The following PEX5L variants were observed in gnomAD, a reference collection of about 807,000 sequenced individuals.
The protein encoded by PEX5L is peroxisomal biogenesis factor 5 like.
PEX5L carries 30 observed loss-of-function variants against 84.0 expected under a neutral mutation model. The observed-to-expected ratio is 0.36, with a 90% CI of 0.27 to 0.48. The LOEUF (loss-of-function observed/expected upper bound fraction) is 0.48. PEX5L is among the 20% of genes least tolerant of loss of function. PEX5L has a pLI of 0.99. For missense variants in PEX5L, 533 were observed against 754.6 expected, an observed-to-expected ratio of 0.71 and a Z score of 3.44; for synonymous variants, 270 against 283.1, an observed-to-expected ratio of 0.95 and a Z score of 0.46.
At chr3:179,990,529 G>A (rs1297955072) in intron 1 of PEX5L, among the ~76,000 whole-genome samples, 2 of 152,054 alleles carry the variant, frequency 1.3e-5, no homozygotes, top group Admixed American at 6.6e-5. Flanking sequence ...CTCCCAACTA[G>A]CTGAGACTAC....
At chr3:179,817,521 A>G (rs1726623967) in intron 9 of PEX5L, among the ~76,000 whole-genome samples, 1 of 152,194 alleles carries the variant, frequency 6.6e-6, no homozygotes, top group Admixed American at 6.5e-5. Context: ...AGACTCCCAG[A>G]GGGATTTATT....
At chr3:179,838,868 T>A (rs532558791) in intron 8 of PEX5L, among the ~76,000 whole-genome samples, 1 of 152,292 alleles carries the variant, frequency 6.6e-6, no homozygotes, top group Middle Eastern at 3.4e-3. Context: ...TAAAATGTTA[T>A]CTTTTATCCT....
At chr3:180,034,707 G>A (rs1791747458) in intron 1 of PEX5L, among the ~76,000 whole-genome samples, 1 of 152,044 alleles carries the variant, frequency 6.6e-6, no homozygotes, top group Non-Finnish European at 1.5e-5. Flanking sequence ...CTGAAATTTT[G>A]GTGGATGTAT....
intron 3 of PEX5L, chr3:179,896,105 A>T (rs758808503): frequency 1.3e-5 from 2 of 152,120 alleles, no homozygotes; most frequent in African/African-American, 2.4e-5. Flanking sequence ...ACTTTTTCAG[A>T]TCATTCTGCT....
At chr3:180,024,071 TCCAC>T (rs1227509229) in intron 1 of PEX5L, among the ~76,000 whole-genome samples, 5 of 152,092 alleles carry the variant, frequency 3.3e-5, no homozygotes, top group Non-Finnish European at 7.4e-5. Flanking sequence ...GTATATTTGG[TCCAC>T]CCAGAAAGGG....
At chr3:179,863,653 A>T (rs1747045427) in intron 7 of PEX5L, among the ~76,000 whole-genome samples, 1 of 152,160 alleles carries the variant, frequency 6.6e-6, no homozygotes, top group Non-Finnish European at 1.5e-5. Context: ...ACCTATTAGG[A>T]TGTCTGTTAT....
chr3:179,932,314 A>T (rs1773336098), intron 2 of PEX5L, among the ~76,000 whole-genome samples: 1 of 152,132 alleles, frequency 6.6e-6, no homozygotes, highest in African/African-American at 2.4e-5. Context: ...AATACCTTTT[A>T]AAATATTGAC....
rs572825127 is a variant in PEX5L, at chr3:179,889,159, A to G, written c.199-1375T>C. On this transcript the variant is annotated intron_variant, in intron 3 of 14. Transcript: ENST00000467460. ...AGCAAATGGAGTGCTTTGGAGTATT[A>G]CCAAATCAAAATATTTTATATTACT... 2.6e-5 allele frequency among the ~76,000 whole-genome samples: 4 copies of G among 152,300 alleles called. No homozygotes were observed. The East Asian group carries it at 7.7e-4, about 29-fold the overall frequency.
At position 179,815,997 on chromosome 3, in the gene PEX5L, T is replaced by C. The variant is rs537734879; in HGVS notation, c.947A>G (p.Tyr316Cys). The change falls in exon 10 of 15, where the codon TAC becomes TGC. Residue 316 changes from tyrosine to cysteine, a missense_variant. Coordinates refer to ENST00000467460, the MANE Select transcript of PEX5L (RefSeq NM_016559.3). ...CTTGAAGGGGTTTTCAGTGTGAAAG[T>C]AATATCCCTGCAACACAGAAAAAGG... ...VTISASEKGY[Y>C]FHTENPFKDW... 3.1e-6 allele frequency: 5 copies of C among 1,614,128 alleles called. No homozygotes were observed. The South Asian group carries it at 5.5e-5, about 18-fold the overall frequency.
intron 8 of PEX5L, among the ~76,000 whole-genome samples, chr3:179,833,708 A>T (rs1440016195): frequency 6.6e-6 from 1 of 152,154 alleles, no homozygotes; most frequent in Non-Finnish European, 1.5e-5. Flanking sequence ...CTGTGGTTCC[A>T]AAAGAACGAA....
intron 1 of PEX5L, among the ~76,000 whole-genome samples, chr3:179,998,310 A>G (rs1788081913): frequency 6.6e-6 from 1 of 152,198 alleles, no homozygotes; most frequent in South Asian, 2.1e-4. Flanking sequence ...TTGATTAAGT[A>G]ACCCGAAAGT....
chr3:179,967,327 A>G (rs1181377462), intron 2 of PEX5L, among the ~76,000 whole-genome samples: 1 of 152,054 alleles, frequency 6.6e-6, no homozygotes, highest in Non-Finnish European at 1.5e-5. Flanking sequence ...TCTGGATCTC[A>G]AAGTTCTCAT....
intron 10 of PEX5L, among the ~76,000 whole-genome samples, chr3:179,814,854 C>G: frequency 6.6e-6 from 1 of 152,030 alleles, no homozygotes; most frequent in Admixed American, 6.6e-5. Flanking sequence ...CTCTTCTTGC[C>G]TTCCCTCTAC....
chr3:179,995,145 CTATA>C (rs1561036482), intron 1 of PEX5L, among the ~76,000 whole-genome samples: 1 of 147,028 alleles, frequency 6.8e-6, no homozygotes, highest in African/African-American at 2.5e-5. Context: ...TATACACACA[CTATA>C]TACATACTAT....
intron 2 of PEX5L, among the ~76,000 whole-genome samples, chr3:179,962,820 T>C (rs1220210348): frequency 6.6e-6 from 1 of 152,224 alleles, no homozygotes; most frequent in African/African-American, 2.4e-5. Context: ...ATATATAACA[T>C]CATTTTTACA....
chr3:179,917,991 C>T (rs549742602), intron 2 of PEX5L, among the ~76,000 whole-genome samples: 1 of 152,116 alleles, frequency 6.6e-6, no homozygotes, highest in African/African-American at 2.4e-5. Context: ...ATGACTGGAC[C>T]TAAATTACAA....
intron 2 of PEX5L, among the ~76,000 whole-genome samples, chr3:179,915,341 T>TTGAGTGCTTTGA (rs1274874925): frequency 6.6e-6 from 1 of 152,196 alleles, no homozygotes; most frequent in African/African-American, 2.4e-5. Context: ...GAGTCAATCT[T>TTGAGTGCTTTGA]GTCTGGATCT....
intron 8 of PEX5L, among the ~76,000 whole-genome samples, chr3:179,846,616 A>C (rs1027258892): frequency 2.0e-5 from 3 of 152,214 alleles, no homozygotes; most frequent in Non-Finnish European, 2.9e-5. Context: ...CTAGCATTTG[A>C]ATCAGTAGAC....
intron 8 of PEX5L, among the ~76,000 whole-genome samples, chr3:179,855,945 T>C (rs1462137231): frequency 6.6e-6 from 1 of 152,224 alleles, no homozygotes; most frequent in Non-Finnish European, 1.5e-5. Flanking sequence ...GCAGCTCAAA[T>C]GGACTAAGAC....
Sources: allele counts gnomAD v4.1 joint callset (sites outside exome capture counted in the v4.1 genomes callset), GRCh38; gene constraint gnomAD v4.1.1; transcripts MANE v1.5; gene names NCBI Gene and HGNC (gene_info 2026-07-23, HGNC 2026-07-21).